The following EPB41L3 variants were observed in gnomAD, a reference collection of about 807,000 sequenced individuals.
EPB41L3 encodes erythrocyte membrane protein band 4.1 like 3.
In EPB41L3, 57 loss-of-function variants were observed where a neutral mutation model predicts 127.1. The observed-to-expected ratio is 0.45, with a 90% CI of 0.36 to 0.56. EPB41L3 has a LOEUF of 0.56. EPB41L3 is among the 20% of genes least tolerant of loss of function. EPB41L3 has a pLI of 0.00. For synonymous variants in EPB41L3, 572 were observed against 549.5 expected, an observed-to-expected ratio of 1.04 and a Z score of -0.57; for missense variants, 1,273 against 1,372.2, an observed-to-expected ratio of 0.93 and a Z score of 1.14.
In EPB41L3 at chr18:5,600,869, G is replaced by A. The variant is rs116825632; in HGVS notation, c.-306+11471C>T. 2.2e-3 allele frequency among the ~76,000 whole-genome samples: 339 copies of A among 152,274 alleles called. 1 individual carries two copies. The highest frequency in any genetic ancestry group is 7.3e-3 in the African/African-American group (304 of 41,568). On this transcript the variant is annotated intron_variant, in intron 3 of 21. Coordinates refer to the EPB41L3 transcript ENST00000545076. ...GCAAACATTAAATTTCAGTTGGGGCGGAGGTGTAAAAGGCATGGAAGATAA... is the reference window on the plus strand; with the variant it reads ...GCAAACATTAAATTTCAGTTGGGGCAGAGGTGTAAAAGGCATGGAAGATAA...
intron 3 of EPB41L3, among the ~76,000 whole-genome samples, chr18:5,607,444 T>C (rs2094672216): frequency 6.6e-6 from 1 of 152,202 alleles, no homozygotes; most frequent in Non-Finnish European, 1.5e-5. Context: ...CTGACCAAGA[T>C]AATTCTCTGC....
At chr18:5,464,766 C>T (rs1043202902) in intron 3 of EPB41L3, among the ~76,000 whole-genome samples, 1 of 152,152 alleles carries the variant, frequency 6.6e-6, no homozygotes, top group African/African-American at 2.4e-5. Flanking sequence ...TCTTCAAATG[C>T]ACCACTCAGA....
chr18:5,545,318 A>G (rs532718661), upstream of EPB41L3, among the ~76,000 whole-genome samples: 1 of 152,332 alleles, frequency 6.6e-6, no homozygotes, highest in African/African-American at 2.4e-5. Flanking sequence ...TGCATTTGCT[A>G]CTGGGTGCCA....
At chr18:5,541,319 G>A (rs1210135616) in intron 1 of EPB41L3, among the ~76,000 whole-genome samples, 3 of 145,896 alleles carry the variant, frequency 2.1e-5, no homozygotes, top group African/African-American at 7.6e-5. Context: ...TCACAGAAAG[G>A]AAACATTTAT....
chr18:5,458,624 C>A (rs1400482389), intron 3 of EPB41L3, among the ~76,000 whole-genome samples: 2 of 152,128 alleles, frequency 1.3e-5, no homozygotes, highest in Admixed American at 6.6e-5. Context: ...GAAAAATATT[C>A]TCTCGCCCTA....
chr18:5,624,063 C>T (rs2094895803), intron 1 of EPB41L3, among the ~76,000 whole-genome samples: 1 of 152,122 alleles, frequency 6.6e-6, no homozygotes, highest in Non-Finnish European at 1.5e-5. Context: ...TGCAGTGGCA[C>T]ACAATCATAG....
intron 3 of EPB41L3, among the ~76,000 whole-genome samples, chr18:5,474,092 G>T (rs559279317): frequency 6.6e-6 from 1 of 151,932 alleles, no homozygotes; most frequent in Non-Finnish European, 1.5e-5. Flanking sequence ...TTAGCCGGGC[G>T]TGGTGGTGGG....
chr18:5,436,403 CTTTTTTTTTT>C (rs34862547), intron 6 of EPB41L3, among the ~76,000 whole-genome samples: 5 of 100,646 alleles, frequency 5.0e-5, no homozygotes, highest in Non-Finnish European at 9.9e-5. Context: ...CATTTTCTTT[CTTTTTTTTTT>C]TTTTTTTTTT....
intron 3 of EPB41L3, among the ~76,000 whole-genome samples, chr18:5,609,735 A>G (rs1238926688): frequency 1.3e-5 from 2 of 152,238 alleles, no homozygotes; most frequent in Non-Finnish European, 2.9e-5. Context: ...CACAAATGGT[A>G]AATATGAAGA....
intron 1 of EPB41L3, among the ~76,000 whole-genome samples, chr18:5,616,263 C>T (rs1448104480): frequency 6.6e-6 from 1 of 152,108 alleles, no homozygotes; most frequent in East Asian, 1.9e-4. Flanking sequence ...TTTTCCAGCA[C>T]TCAACATTGC....
chr18:5,423,758 G>C (rs1055785769), intron 10 of EPB41L3, among the ~76,000 whole-genome samples: 2 of 152,080 alleles, frequency 1.3e-5, no homozygotes, highest in African/African-American at 2.4e-5. Flanking sequence ...TGCAAATGAG[G>C]GTTGTACTGA....
At chr18:5,435,685 T>C (rs941177889) in intron 6 of EPB41L3, among the ~76,000 whole-genome samples, 1 of 152,206 alleles carries the variant, frequency 6.6e-6, no homozygotes, top group Non-Finnish European at 1.5e-5. Context: ...ATCCGCATTG[T>C]TAAGTGACAT....
intron 5 of EPB41L3, among the ~76,000 whole-genome samples, chr18:5,442,182 A>C (rs150890473): frequency 2.8e-3 from 419 of 152,306 alleles, no homozygotes; most frequent in African/African-American, 9.7e-3. Context: ...GTAACTCTTT[A>C]ATACTCCTTA....
At chr18:5,422,910 T>C (rs753574706) in intron 11 of EPB41L3, among the ~76,000 whole-genome samples, 24 of 152,316 alleles carry the variant, frequency 1.6e-4, no homozygotes, top group Non-Finnish European at 2.9e-4. Context: ...TGTCATCCTT[T>C]CTACCAGCTA....
At chr18:5,609,942 G>A (rs2094706873) in intron 3 of EPB41L3, among the ~76,000 whole-genome samples, 1 of 152,122 alleles carries the variant, frequency 6.6e-6, no homozygotes, top group South Asian at 2.1e-4. Flanking sequence ...TTTCATTTGA[G>A]TTTGGGTGCT....
chr18:5,517,170 T>C (rs772664092), intron 1 of EPB41L3, among the ~76,000 whole-genome samples: 1 of 152,108 alleles, frequency 6.6e-6, no homozygotes, highest in Non-Finnish European at 1.5e-5. Flanking sequence ...TATTTGTCAA[T>C]GGATGAATGA....
chr18:5,444,337 G>GA (rs1415635211), intron 4 of EPB41L3, among the ~76,000 whole-genome samples: 1 of 152,200 alleles, frequency 6.6e-6, no homozygotes, highest in Non-Finnish European at 1.5e-5. Flanking sequence ...AGTTGCCTGT[G>GA]ATTTCCGATT....
intron 3 of EPB41L3, among the ~76,000 whole-genome samples, chr18:5,601,513 GT>G (rs1383313453): frequency 1.3e-5 from 2 of 152,130 alleles, no homozygotes; most frequent in Non-Finnish European, 2.9e-5. Context: ...GTGTGTTGTT[GT>G]TTTTTTCCTT....
At chr18:5,522,066 A>G (rs2093012864) in intron 1 of EPB41L3, among the ~76,000 whole-genome samples, 1 of 152,088 alleles carries the variant, frequency 6.6e-6, no homozygotes, top group Admixed American at 6.6e-5. Flanking sequence ...TAGAACAGAC[A>G]TGTATTTTCT....
Sources: allele counts gnomAD v4.1 joint callset (sites outside exome capture counted in the v4.1 genomes callset), GRCh38; gene constraint gnomAD v4.1.1; transcripts MANE v1.5; gene names NCBI Gene and HGNC (gene_info 2026-07-23, HGNC 2026-07-21).